Variants in CS observed in about 807,000 individuals in gnomAD.
CS encodes the protein citrate synthase, mitochondrial.
Under a neutral mutation model 61.4 loss-of-function variants are expected in CS, and 13 were observed. That is an observed-to-expected ratio of 0.21 (90% CI 0.14 to 0.34). The LOEUF (loss-of-function observed/expected upper bound fraction) is 0.34. Among genes scored for constraint, CS ranks in the 10% least tolerant of loss-of-function variants. CS has a pLI of 1.00. For missense variants in CS, 278 were observed against 573.4 expected, an observed-to-expected ratio of 0.48 and a Z score of 5.26; for synonymous variants, 159 against 215.2, an observed-to-expected ratio of 0.74 and a Z score of 2.29.
chr12:56,297,680 A>C (rs1873347866), intron 1 of CS, among the ~76,000 whole-genome samples: 1 of 152,090 alleles, frequency 6.6e-6, no homozygotes, highest in East Asian at 1.9e-4. Context: ...CTCCAGCCTG[A>C]GTGACAGAGT....
Position 56,289,997 on chromosome 12 carries a change from G to A in CS, c.43-3352C>T, listed in dbSNP as rs553686614. 1.2e-4 allele frequency among the ~76,000 whole-genome samples: 18 copies of A among 150,412 alleles called. No individual in the cohort carries two copies. The South Asian group carries it at 2.3e-3, about 19-fold the overall frequency. ...CAACCTCCGCCTCCCAGGTTCAAGC[G>A]ATTCTCCTGCCTCAGCCTCGCGAGT... On this transcript the variant is annotated intron_variant, in intron 1 of 10. Coordinates refer to ENST00000351328, the MANE Select transcript of CS (RefSeq NM_004077.3).
At position 56,282,446 on chromosome 12, in the gene CS, C is replaced by T; in HGVS notation, c.562G>A (p.Gly188Ser). The change falls in exon 6 of 11, where the codon GGT becomes AGT. Residue 188 changes from glycine (G) to serine (S), a missense_variant. Physicochemically the swap from Gly to Ser is moderately conservative, Grantham distance 56. Coordinates refer to ENST00000351328, the MANE Select transcript of CS (RefSeq NM_004077.3). ...ESNFARAYAQGISRTKYWELI... is the reference protein window; with the variant it reads ...ESNFARAYAQSISRTKYWELI... ...TCCCAGTACTTGGTTCGGCTGATAC[C>T]CTGTGCATATGCTCGGGCAAAGTTA... The T allele has an allele frequency of 1.2e-6, 2 of 1,611,588 alleles. No homozygotes were observed. The highest frequency in any genetic ancestry group is 1.7e-5 in the Admixed American group (1 of 59,738).
intron 1 of CS, among the ~76,000 whole-genome samples, chr12:56,293,333 G>C (rs936540826): frequency 1.4e-4 from 21 of 152,120 alleles, no homozygotes; most frequent in African/African-American, 4.8e-4. Context: ...TAAAACCTTG[G>C]GGGAGGCTGG....
chr12:56,286,560 G>T, intron 2 of CS, 35 bp downstream of exon 2: 1 of 1,607,702 alleles, frequency 6.2e-7, no homozygotes, highest in African/African-American at 1.3e-5. Context: ...TGGCCGCAAT[G>T]ATTCTTATTC....
chr12:56,281,245 T>C (rs1269905174), intron 6 of CS, among the ~76,000 whole-genome samples: 2 of 152,246 alleles, frequency 1.3e-5, no homozygotes, highest in Admixed American at 6.5e-5. Flanking sequence ...GCCAGATCAT[T>C]TGTACTTTTA....
chr12:56,291,257 G>C (rs1218422453), intron 1 of CS: 2 of 1,115,908 alleles, frequency 1.8e-6, no homozygotes, highest in African/African-American at 3.4e-5. Flanking sequence ...TGGATCCCAG[G>C]AAAGAGGCAG....
In CS at chr12:56,273,056, G is replaced by C. The variant is rs1433458770; in HGVS notation, c.*28C>G. 4 of 1,571,462 alleles carry C rather than the reference G, an allele frequency of 2.5e-6. No individual in the cohort carries two copies. Among genetic ancestry groups the C allele is most frequent in the Non-Finnish European group, 3.5e-6 (4 of 1,159,116 alleles). On this transcript the variant is annotated 3_prime_UTR_variant, in exon 11 of 11. Coordinates refer to ENST00000351328, the MANE Select transcript of CS (RefSeq NM_004077.3). ...TTTTATTTAGGCTTCCTCACTTTCTGGTAGTCACTTTCACCCAGTCTCCAG... is the reference window on the plus strand; with the variant it reads ...TTTTATTTAGGCTTCCTCACTTTCTCGTAGTCACTTTCACCCAGTCTCCAG...
At chr12:56,282,323 G>T in intron 6 of CS, 97 bp downstream of exon 6, 1 of 1,001,510 alleles carries the variant, frequency 1.0e-6, no homozygotes, top group Non-Finnish European at 1.4e-6. Flanking sequence ...TTAACTCAGA[G>T]GTAATTTTTC....
intron 1 of CS, among the ~76,000 whole-genome samples, chr12:56,299,143 T>G (rs961070499): frequency 2.6e-5 from 4 of 152,128 alleles, no homozygotes; most frequent in Non-Finnish European, 5.9e-5. Context: ...AAAACTAAGT[T>G]CTTTGCAGAA....
intron 1 of CS, among the ~76,000 whole-genome samples, chr12:56,298,002 T>C (rs1592415955): frequency 6.7e-6 from 1 of 150,372 alleles, no homozygotes; most frequent in Non-Finnish European, 1.5e-5. Context: ...CCCCCCGCCC[T>C]TTTTTTTCTC....
chr12:56,296,068 T>C (rs564756464), intron 1 of CS, among the ~76,000 whole-genome samples: 76 of 149,602 alleles, frequency 5.1e-4, no homozygotes, highest in Admixed American at 2.5e-3. Context: ...AGAATTGTAA[T>C]CTGAAGGTAG....
intron 1 of CS, among the ~76,000 whole-genome samples, chr12:56,298,344 G>T (rs1398226613): frequency 6.6e-6 from 1 of 152,104 alleles, no homozygotes; most frequent in African/African-American, 2.4e-5. Context: ...ACTGATAGGT[G>T]ACTAGGATCG....
Position 56,273,080 on chromosome 12 carries a change from A to G in CS, c.*4T>C, listed in dbSNP as rs1328598382. On this transcript the variant is annotated 3_prime_UTR_variant, in exon 11 of 11. Coordinates refer to ENST00000351328, the MANE Select transcript of CS (RefSeq NM_004077.3). ...TGGTAGTCACTTTCACCCAGTCTCC[A>G]GTTTTACCCTGACTTAGAGTCCACA... 1 of 1,597,564 alleles carries G rather than the reference A, an allele frequency of 6.3e-7. No individual in the cohort carries two copies. The highest frequency in any genetic ancestry group is 2.2e-5 in the East Asian group (1 of 44,662).
intron 1 of CS, among the ~76,000 whole-genome samples, chr12:56,296,918 C>A (rs921076412): frequency 6.6e-6 from 1 of 152,136 alleles, no homozygotes; most frequent in African/African-American, 2.4e-5. Flanking sequence ...AAAATTTGGG[C>A]TTTAAAACCT....
intron 1 of CS, among the ~76,000 whole-genome samples, chr12:56,293,536 G>A (rs187073724): frequency 6.6e-6 from 1 of 152,292 alleles, no homozygotes; most frequent in African/African-American, 2.4e-5. Context: ...GGCCAACATG[G>A]TGACACCCCA....
At chr12:56,293,943 C>G (rs953578310) in intron 1 of CS, among the ~76,000 whole-genome samples, 2 of 152,122 alleles carry the variant, frequency 1.3e-5, no homozygotes, top group Non-Finnish European at 2.9e-5. Flanking sequence ...TCAGAGAACA[C>G]GAACACAAAT....
chr12:56,278,201 G>A lies in CS; in HGVS notation c.589-2006C>T, dbSNP rs1379654510. The stretch of plus-strand genomic sequence containing the variant: ...GCTGGAGTGCAATGGTGCGATCTCA[G>A]CTCACTGCAACCTCCGCCTCCGGGG... On this transcript the variant is annotated intron_variant, in intron 6 of 10. Coordinates refer to ENST00000351328, the MANE Select transcript of CS (RefSeq NM_004077.3). Among the ~76,000 whole-genome samples the A allele has an allele frequency of 5.3e-5, 8 of 152,142 alleles. 1 individual carries two copies. The highest frequency in any genetic ancestry group is 1.9e-4 in the African/African-American group (8 of 41,460).
Position 56,271,767 on chromosome 12 carries a change from A to C in CS, c.*1317T>G. 2.6e-6 allele frequency: 1 copy of C among 387,684 alleles called. No individual in the cohort carries two copies. The highest frequency in any genetic ancestry group is 5.2e-6 in the Non-Finnish European group (1 of 194,112). 24.0% of individuals were successfully genotyped at this position (387,684 alleles called of 1,614,324 possible). ...CCTGAAGTCTCCATCATGACTTGAC[A>C]GTTACCCAGGGGTTTACAGTGTGTC... On this transcript the variant is annotated 3_prime_UTR_variant, in exon 11 of 11. Coordinates refer to ENST00000351328, the MANE Select transcript of CS (RefSeq NM_004077.3).
At chr12:56,287,479 C>CAAAA (rs61199207) in intron 1 of CS, among the ~76,000 whole-genome samples, 53 of 44,750 alleles carry the variant, frequency 1.2e-3, no homozygotes, top group Non-Finnish European at 1.5e-3. Context: ...AAGACTCTGT[C>CAAAA]AAAAAAAAAA....
Sources: gnomAD v4.1 joint callset for allele counts (sites outside exome capture counted in the v4.1 genomes callset) on GRCh38, gnomAD v4.1.1 for gene constraint, MANE v1.5 for transcripts, NCBI Gene and HGNC (gene_info 2026-07-23, HGNC 2026-07-21) for gene names.